ABCA13: variants seen among roughly 807,000 people sequenced by gnomAD.
The protein encoded by ABCA13 is ATP binding cassette subfamily A member 13, also known as ATP-binding cassette sub-family A member 13.
A neutral mutation model predicts 478.7 loss-of-function variants in ABCA13; 476 were observed. The ratio of observed to expected loss-of-function variants is 0.99; its 90% CI spans 0.92 to 1.07. The LOEUF is 1.07. Among genes scored for constraint, ABCA13 ranks in the 50% least tolerant of loss-of-function variants. The pLI is 0.00. For missense variants in ABCA13, 6,060 were observed against 5,910.6 expected (o/e 1.03, Z -0.83); for synonymous variants, 2,252 against 2,158.9 (o/e 1.04, Z -1.20).
intron 43 of ABCA13, among the ~76,000 whole-genome samples, chr7:48,463,121 T>C (rs1025476721): frequency 3.3e-5 from 5 of 152,150 alleles, no homozygotes; most frequent in African/African-American, 1.2e-4. Context: ...TTTTTTTGTT[T>C]TGTTTTGTTT....
chr7:48,503,609 C>T (rs903039682), intron 48 of ABCA13, among the ~76,000 whole-genome samples: 1 of 152,150 alleles, frequency 6.6e-6, no homozygotes, highest in Non-Finnish European at 1.5e-5. Context: ...GTCTCCAAGA[C>T]AGGATTTCCT....
chr7:48,221,232 T>G, intron 4 of ABCA13, 49 bp from the exon 5 acceptor site: 7 of 988,992 alleles, frequency 7.1e-6, no homozygotes, highest in Non-Finnish European at 1.1e-5. Context: ...TAGCATGTGC[T>G]TTTTCATTGA....
At chr7:48,453,617 G>A (rs1825305693) in intron 42 of ABCA13, among the ~76,000 whole-genome samples, 1 of 152,100 alleles carries the variant, frequency 6.6e-6, no homozygotes, top group Admixed American at 6.5e-5. Flanking sequence ...TATACCTCCT[G>A]TTTTGATCTT....
intron 24 of ABCA13, among the ~76,000 whole-genome samples, chr7:48,311,306 G>T (rs1259939912): frequency 2.0e-5 from 3 of 152,100 alleles, no homozygotes; most frequent in African/African-American, 7.2e-5. Context: ...TTTGTTTTCA[G>T]AATGATTACA....
At chr7:48,479,199 C>T (rs1457814844) in intron 45 of ABCA13, among the ~76,000 whole-genome samples, 1 of 151,644 alleles carries the variant, frequency 6.6e-6, no homozygotes, top group Non-Finnish European at 1.5e-5. Flanking sequence ...ATCTGCCCGC[C>T]TCAGCCTCCC....
chr7:48,640,249 C>A (rs192926910), intron 59 of ABCA13, among the ~76,000 whole-genome samples: 118 of 152,182 alleles, frequency 7.8e-4, no homozygotes, highest in African/African-American at 2.8e-3. Context: ...ATAAGGGGAG[C>A]CTTAAGCTCA....
At chr7:48,368,266 T>C (rs986302921) in intron 32 of ABCA13, among the ~76,000 whole-genome samples, 7 of 152,026 alleles carry the variant, frequency 4.6e-5, no homozygotes, top group Admixed American at 6.6e-5. Flanking sequence ...ACCCTGCTAT[T>C]TTTTTTGTAA....
intron 42 of ABCA13, among the ~76,000 whole-genome samples, chr7:48,433,077 T>C (rs1822358815): frequency 6.6e-6 from 1 of 152,034 alleles, no homozygotes; most frequent in African/African-American, 2.4e-5. Context: ...AAATATAATT[T>C]TTATTTGTCA....
chr7:48,570,363 C>T (rs1305205982), intron 55 of ABCA13, among the ~76,000 whole-genome samples: 4 of 118,638 alleles, frequency 3.4e-5, no homozygotes, highest in African/African-American at 1.0e-4. Flanking sequence ...CTCACTCTGT[C>T]GCCCAGGCTG....
chr7:48,276,403 A>T lies in ABCA13; in HGVS notation c.6737A>T (p.Gln2246Leu). Residue 2246 changes from glutamine (Q) to leucine (L), a missense_variant, in exon 17 of 62, where the codon CAG becomes CTG. Coordinates refer to ENST00000435803, the MANE Select transcript of ABCA13 (RefSeq NM_152701.5). ...ATTAACCTTATCTTGAACCATATGCAGTCAGAAACTAGTAGGAAAACAGTT... is the reference window on the plus strand; with the variant it reads ...ATTAACCTTATCTTGAACCATATGCTGTCAGAAACTAGTAGGAAAACAGTT... ...NFINLILNHMQSETSRKTVLS... is the reference protein window; with the variant it reads ...NFINLILNHMLSETSRKTVLS... 6.4e-7 allele frequency: 1 copy of T among 1,558,954 alleles called. No individual in the cohort carries two copies. Among genetic ancestry groups the T allele is most frequent in the Non-Finnish European group, 8.7e-7 (1 of 1,154,264 alleles).
At chr7:48,331,201 T>C (rs572843269) in intron 27 of ABCA13, among the ~76,000 whole-genome samples, 8 of 152,332 alleles carry the variant, frequency 5.3e-5, no homozygotes, top group African/African-American at 1.9e-4. Context: ...AAAGAAAGAA[T>C]AGCTGCAAGT....
chr7:48,264,515 C>T (rs745615459), intron 15 of ABCA13, among the ~76,000 whole-genome samples: 10 of 151,800 alleles, frequency 6.6e-5, no homozygotes, highest in Non-Finnish European at 1.2e-4. Context: ...GGATTTAATT[C>T]GTTTATATGA....
chr7:48,565,727 C>T (rs769974646), intron 55 of ABCA13, among the ~76,000 whole-genome samples: 9 of 152,134 alleles, frequency 5.9e-5, no homozygotes, highest in East Asian at 1.9e-4. Context: ...ATGAGAGCAT[C>T]GTAATCTTTC....
chr7:48,641,906 A>C (rs1310666054), intron 59 of ABCA13, among the ~76,000 whole-genome samples: 1 of 152,206 alleles, frequency 6.6e-6, no homozygotes, highest in African/African-American at 2.4e-5. Flanking sequence ...ATAGCTTGTA[A>C]CATACTGCTG....
At chr7:48,503,425 G>A (rs1830929800) in intron 48 of ABCA13, among the ~76,000 whole-genome samples, 1 of 152,166 alleles carries the variant, frequency 6.6e-6, no homozygotes, top group Non-Finnish European at 1.5e-5. Context: ...TGTATCCTTT[G>A]ACTAACATCT....
intron 31 of ABCA13, among the ~76,000 whole-genome samples, chr7:48,359,357 C>G (rs1810459424): frequency 6.6e-6 from 1 of 151,960 alleles, no homozygotes; most frequent in East Asian, 1.9e-4. Flanking sequence ...ACTTCACCTT[C>G]CCTGACCTCC....
intron 39 of ABCA13, among the ~76,000 whole-genome samples, chr7:48,406,238 G>A (rs62447260): frequency 0.2 from 31,107 of 152,036 alleles, 3,471 homozygotes; most frequent in East Asian, 0.23. Flanking sequence ...AAAAAATACC[G>A]GTGAAAACTG....
chr7:48,342,340 T>C (rs1268299399), intron 29 of ABCA13, among the ~76,000 whole-genome samples: 3 of 152,202 alleles, frequency 2.0e-5, no homozygotes, highest in African/African-American at 2.4e-5. Context: ...GGTGTGTGTT[T>C]ACATTTCTCG....
At chr7:48,542,414 A>T (rs1023518810) in intron 55 of ABCA13, among the ~76,000 whole-genome samples, 1 of 151,818 alleles carries the variant, frequency 6.6e-6, no homozygotes, top group African/African-American at 2.4e-5. Flanking sequence ...AGTTCCTGCT[A>T]TAAGACATAG....
Sources: allele counts gnomAD v4.1 joint callset (sites outside exome capture counted in the v4.1 genomes callset), GRCh38; gene constraint gnomAD v4.1.1; transcripts MANE v1.5; gene names NCBI Gene and HGNC (gene_info 2026-07-23, HGNC 2026-07-21).